Variants in LPAR1 observed in about 807,000 individuals in gnomAD.
LPAR1 encodes the protein lysophosphatidic acid receptor 1.
In LPAR1, 5 loss-of-function variants were observed where a neutral mutation model predicts 23.8. The ratio of observed to expected loss-of-function variants is 0.21; its 90% CI spans 0.11 to 0.44. LPAR1 has a LOEUF of 0.44. LPAR1 is among the 20% of genes least tolerant of loss of function. The probability of loss-of-function intolerance (pLI) is 0.99; values close to 1 mark genes in which losing one functional copy is unlikely to be tolerated. For synonymous variants in LPAR1, 160 were observed against 164.7 expected, an observed-to-expected ratio of 0.97 and a Z score of 0.22; for missense variants, 311 against 482.8, an observed-to-expected ratio of 0.64 and a Z score of 3.33.
intron 5 of LPAR1, among the ~76,000 whole-genome samples, chr9:110,924,626 A>C (rs1407513437): frequency 2.6e-5 from 4 of 152,076 alleles, no homozygotes; most frequent in African/African-American, 9.7e-5. Flanking sequence ...AAGCCCACTG[A>C]GTTCAATTCC....
intron 2 of LPAR1, among the ~76,000 whole-genome samples, chr9:111,010,001 ATATATATATATATATAT>A (rs2097299732): frequency 4.6e-4 from 1 of 2,192 alleles, no homozygotes; most frequent in Non-Finnish European, 1.7e-3. Flanking sequence ...TTAGGAAAAT[ATATATATATATATATAT>A]ATATATATAT....
At chr9:110,945,321 A>G (rs972592265) in intron 4 of LPAR1, 2 of 152,216 alleles carry the variant, frequency 1.3e-5, no homozygotes, top group Non-Finnish European at 2.9e-5. Flanking sequence ...TGACAGAAAA[A>G]TAATTATGGA....
intron 2 of LPAR1, among the ~76,000 whole-genome samples, chr9:111,032,161 T>C (rs1015104791): frequency 1.3e-5 from 2 of 152,120 alleles, no homozygotes; most frequent in Non-Finnish European, 1.5e-5. Flanking sequence ...CAGATATCAG[T>C]TCTTATTCTT....
Position 110,891,773 on chromosome 9 carries a change from T to G in LPAR1, c.794-16051A>C, listed in dbSNP as rs546694717. 1.4e-4 allele frequency among the ~76,000 whole-genome samples: 21 copies of G among 152,270 alleles called. No homozygotes were observed. In the South Asian group the frequency reaches 4.4e-3, roughly 32 times the overall value. ...CAAAAGAAAATGTATAAATGGCGCA[T>G]TAAGCACATGAAAAGGCGATCAGCT... On this transcript the variant is annotated intron_variant, in intron 5 of 5. Transcript: ENST00000683809.
intron 2 of LPAR1, among the ~76,000 whole-genome samples, chr9:110,987,259 T>G (rs577495527): frequency 6.6e-6 from 1 of 151,892 alleles, no homozygotes; most frequent in South Asian, 2.1e-4. Context: ...AAAACTACAT[T>G]TACATGCAAT....
chr9:110,988,209 C>T (rs2096828549), intron 2 of LPAR1, among the ~76,000 whole-genome samples: 1 of 151,764 alleles, frequency 6.6e-6, no homozygotes, highest in Admixed American at 6.6e-5. Context: ...CATAAGCAGA[C>T]GTTGGACCAT....
At chr9:110,929,664 T>C (rs1391506765) in intron 5 of LPAR1, among the ~76,000 whole-genome samples, 1 of 151,878 alleles carries the variant, frequency 6.6e-6, no homozygotes, top group Admixed American at 6.6e-5. Context: ...ATAGAATTGA[T>C]TGCTATCTAA....
intron 5 of LPAR1, among the ~76,000 whole-genome samples, chr9:110,920,033 G>A (rs987115183): frequency 4.6e-5 from 7 of 152,122 alleles, no homozygotes; most frequent in African/African-American, 1.2e-4. Context: ...AGGAGGCAAC[G>A]TTTCATTTCC....
At chr9:111,000,193 T>C (rs370159749) in intron 2 of LPAR1, among the ~76,000 whole-genome samples, 1 of 152,198 alleles carries the variant, frequency 6.6e-6, no homozygotes, top group Admixed American at 6.5e-5. Context: ...AGAAGCTCTG[T>C]ACAAAGAAGT....
chr9:111,030,485 G>A (rs1172382432), intron 2 of LPAR1, among the ~76,000 whole-genome samples: 2 of 152,110 alleles, frequency 1.3e-5, no homozygotes, highest in Middle Eastern at 3.2e-3. Flanking sequence ...AATGAAACCT[G>A]CCTATAATGA....
At position 110,959,170 on chromosome 9, in the gene LPAR1, CA is replaced by C. The variant is rs1186318362; in HGVS notation, c.45+12902del. 3.6e-4 allele frequency among the ~76,000 whole-genome samples: 29 copies of C among 81,142 alleles called. 1 individual carries two copies. Among genetic ancestry groups the C allele is most frequent in the Admixed American group, 1.2e-3 (8 of 6,460 alleles). The allele number at this position is 81,142 out of a possible 152,430, so 53.2% of individuals were successfully genotyped here. A position where few individuals can be genotyped will look rare whatever the true frequency, so the allele number is the denominator to read the frequency against. Reference sequence around the variant, plus strand: ...AAAAAACAGTATGAAGATGTCTCTACAAAAAAAAAAAAAAACCACTAAAACC... The same window carrying C: ...AAAAAACAGTATGAAGATGTCTCTACAAAAAAAAAAAAAACCACTAAAACC... On this transcript the variant is annotated intron_variant, in intron 4 of 5. Coordinates refer to ENST00000683809, the MANE Select transcript of LPAR1 (RefSeq NM_001351411.2).
At chr9:110,906,970 A>C (rs879829804) in intron 5 of LPAR1, among the ~76,000 whole-genome samples, 5,681 of 152,254 alleles carry the variant, frequency 0.037, 172 homozygotes, top group Non-Finnish European at 0.047. Flanking sequence ...TAATTCTGTA[A>C]CTTAAAAAAT....
intron 5 of LPAR1, among the ~76,000 whole-genome samples, chr9:110,889,983 T>C: frequency 6.6e-6 from 1 of 152,096 alleles, no homozygotes; most frequent in African/African-American, 2.4e-5. Flanking sequence ...AATTAAAACA[T>C]GTTACTGAAA....
intron 5 of LPAR1, among the ~76,000 whole-genome samples, chr9:110,904,760 T>G (rs1299663038): frequency 1.3e-5 from 2 of 152,234 alleles, no homozygotes; most frequent in East Asian, 3.8e-4. Flanking sequence ...GCAGACAACC[T>G]GGACCACACC....
intron 2 of LPAR1, among the ~76,000 whole-genome samples, chr9:110,994,352 C>A (rs934889662): frequency 2.0e-5 from 3 of 152,058 alleles, no homozygotes; most frequent in Non-Finnish European, 4.4e-5. Flanking sequence ...AAATACAGTG[C>A]AAGATGATGA....
At chr9:110,935,186 T>C (rs1326378667) in intron 5 of LPAR1, among the ~76,000 whole-genome samples, 1 of 151,892 alleles carries the variant, frequency 6.6e-6, no homozygotes, top group Non-Finnish European at 1.5e-5. Flanking sequence ...AAGATGAAGA[T>C]GGAAAGTGTG....
At chr9:110,917,183 CA>C (rs72090804) in intron 5 of LPAR1, among the ~76,000 whole-genome samples, 193 of 122,780 alleles carry the variant, frequency 1.6e-3, no homozygotes, top group South Asian at 4.6e-3. Flanking sequence ...ACTAAAAATA[CA>C]AAAAAAAAAA....
chr9:111,024,438 AT>A (rs1043561502), intron 2 of LPAR1, among the ~76,000 whole-genome samples: 1 of 147,062 alleles, frequency 6.8e-6, no homozygotes, highest in Non-Finnish European at 1.5e-5. Flanking sequence ...TACATATATA[AT>A]TTTTATATAT....
Position 111,003,457 on chromosome 9 carries a change from C to T in LPAR1, c.-181-29899G>A, listed in dbSNP as rs771884444. On this transcript the variant is annotated intron_variant, in intron 2 of 5. Transcript: ENST00000683809. ...CTCTAGGGACAATGAATGTAATTTG[C>T]TTAATAGAGTGAACCACAAATCAAA... is the stretch of plus-strand genomic sequence containing the variant. 4.3e-4 allele frequency among the ~76,000 whole-genome samples: 65 copies of T among 152,132 alleles called. 1 individual carries two copies. The highest frequency in any genetic ancestry group is 6.3e-3 in the Middle Eastern group (2 of 316).
Sources: gnomAD v4.1 joint callset for allele counts (sites outside exome capture counted in the v4.1 genomes callset) on GRCh38, gnomAD v4.1.1 for gene constraint, MANE v1.5 for transcripts, NCBI Gene and HGNC (gene_info 2026-07-23, HGNC 2026-07-21) for gene names.